CCDC102B: variants seen among roughly 807,000 people sequenced by gnomAD.
CCDC102B encodes coiled-coil domain-containing protein 102B.
In CCDC102B, 75 loss-of-function variants were observed where a neutral mutation model predicts 57.4. That is an observed-to-expected ratio of 1.31 (90% CI 1.08 to 1.58). The LOEUF (loss-of-function observed/expected upper bound fraction) is 1.58, where lower values mean the gene tolerates loss of function less well. Ranked by LOEUF, CCDC102B falls within the 40% of genes most tolerant of loss-of-function variation. The pLI, the probability that CCDC102B is intolerant of heterozygous loss-of-function variation, is 0.00. For synonymous variants in CCDC102B, 206 were observed against 201.9 expected, an observed-to-expected ratio of 1.02 and a Z score of -0.17; for missense variants, 636 against 582.6, an observed-to-expected ratio of 1.09 and a Z score of -0.94.
At chr18:68,932,217 C>T (rs1332779229) in intron 6 of CCDC102B, among the ~76,000 whole-genome samples, 1 of 151,614 alleles carries the variant, frequency 6.6e-6, no homozygotes, top group Admixed American at 6.6e-5. Context: ...TGAATTTAGT[C>T]CAGGCTTTTG....
At chr18:68,987,777 A>C (rs1009640106) in intron 6 of CCDC102B, among the ~76,000 whole-genome samples, 1 of 141,968 alleles carries the variant, frequency 7.0e-6, no homozygotes, top group African/African-American at 3.1e-5. Context: ...ACAAATGGCC[A>C]AAAAAAACCA....
At chr18:69,038,367 A>G (rs1224075263) in intron 7 of CCDC102B, among the ~76,000 whole-genome samples, 1 of 151,846 alleles carries the variant, frequency 6.6e-6, no homozygotes, top group Admixed American at 6.6e-5. Flanking sequence ...TGTGTTTCTG[A>G]TATTATTTGT....
intron 5 of CCDC102B, among the ~76,000 whole-genome samples, chr18:68,896,710 AAAATT>A (rs2040254520): frequency 6.6e-6 from 1 of 151,936 alleles, no homozygotes; most frequent in Non-Finnish European, 1.5e-5. Flanking sequence ...TTTTCAATAT[AAAATT>A]AAATTACTTT....
At chr18:69,023,446 G>A (rs1031986997) in intron 7 of CCDC102B, among the ~76,000 whole-genome samples, 1 of 151,966 alleles carries the variant, frequency 6.6e-6, no homozygotes, top group Non-Finnish European at 1.5e-5. Context: ...CTTATATTAT[G>A]TAGTGGTATT....
At chr18:68,935,065 T>A (rs1347734255) in intron 6 of CCDC102B, among the ~76,000 whole-genome samples, 1 of 151,838 alleles carries the variant, frequency 6.6e-6, no homozygotes, top group African/African-American at 2.4e-5. Flanking sequence ...TGCCACTAAA[T>A]AGGATAATCA....
intron 6 of CCDC102B, among the ~76,000 whole-genome samples, chr18:68,980,000 G>A (rs750588356): frequency 2.6e-5 from 4 of 151,958 alleles, no homozygotes; most frequent in East Asian, 1.9e-4. Context: ...TGGAGTAGGC[G>A]CATGAACCTG....
Position 68,740,846 on chromosome 18 carries a change from T to C in CCDC102B, c.-67+24252T>C, listed in dbSNP as rs1250821174. ...TGTACTTATGAAATATTTAAGTATATATAAATTACTAAAGTAACACTGAAT... is the reference window on the plus strand; with the variant it reads ...TGTACTTATGAAATATTTAAGTATACATAAATTACTAAAGTAACACTGAAT... On this transcript the variant is annotated intron_variant, in intron 2 of 3. Coordinates refer to the CCDC102B transcript ENST00000578970. Among the ~76,000 whole-genome samples the C allele has an allele frequency of 2.6e-5, 4 of 152,274 alleles. No homozygotes were observed. The East Asian group carries it at 7.7e-4, about 29-fold the overall frequency.
At chr18:68,884,515 T>C (rs1019765634) in intron 5 of CCDC102B, among the ~76,000 whole-genome samples, 2 of 151,620 alleles carry the variant, frequency 1.3e-5, no homozygotes, top group South Asian at 2.1e-4. Context: ...AGGGACATTG[T>C]TGGGGATGAC....
At chr18:68,889,155 A>T (rs2039988204) in intron 5 of CCDC102B, among the ~76,000 whole-genome samples, 1 of 152,136 alleles carries the variant, frequency 6.6e-6, no homozygotes, top group African/African-American at 2.4e-5. Context: ...CAAAATTCAC[A>T]TATTGAAAAC....
At chr18:68,886,786 C>G (rs1349448682) in intron 5 of CCDC102B, among the ~76,000 whole-genome samples, 2 of 151,780 alleles carry the variant, frequency 1.3e-5, no homozygotes, top group Admixed American at 1.3e-4. Context: ...TTGACATTCA[C>G]TCATTTCAAT....
chr18:69,052,452 A>G (rs565051153), intron 7 of CCDC102B, among the ~76,000 whole-genome samples: 25 of 152,010 alleles, frequency 1.6e-4, no homozygotes, highest in African/African-American at 5.8e-4. Flanking sequence ...CTCAAGAGAA[A>G]ATTTTTCACA....
chr18:69,037,166 C>T (rs776971137), intron 7 of CCDC102B, among the ~76,000 whole-genome samples: 3 of 151,864 alleles, frequency 2.0e-5, no homozygotes, highest in Non-Finnish European at 4.4e-5. Context: ...TGCCATCATT[C>T]CTAATTACCA....
At chr18:68,875,087 T>C (rs1249782595) in intron 5 of CCDC102B, 4 of 178,228 alleles carry the variant, frequency 2.2e-5, no homozygotes, top group Non-Finnish European at 4.7e-5. Flanking sequence ...TGCTGGATCA[T>C]GTGTGTTCAT....
chr18:68,715,296 G>C (rs2031873871), exon 1 of CCDC102B: 1 of 1,229,314 alleles, frequency 8.1e-7, no homozygotes. Context: ...TAGGGAAAAC[G>C]GTGCTGGTTC....
At chr18:68,787,374 T>C (rs1229650841) in intron 2 of CCDC102B, among the ~76,000 whole-genome samples, 1 of 151,694 alleles carries the variant, frequency 6.6e-6, no homozygotes, top group Admixed American at 6.6e-5. Context: ...CCTCTTTTTC[T>C]ATTGATTGGA....
rs534436707 is a variant in CCDC102B at position 68,803,086 on chromosome 18, C to A, written c.-16+4905C>A. Among the ~76,000 whole-genome samples the A allele has an allele frequency of 2.0e-4, 30 of 152,254 alleles. No individual in the cohort carries two copies. The East Asian group carries it at 5.8e-3, about 29-fold the overall frequency. ...GGGTTAACCTCACTTAAAACTGTTTCTTTATTAATTTTAAAAGCCTATAAG... is the reference window on the plus strand; with the variant it reads ...GGGTTAACCTCACTTAAAACTGTTTATTTATTAATTTTAAAAGCCTATAAG... On this transcript the variant is annotated intron_variant, in intron 1 of 7. Transcript: ENST00000360242.
chr18:68,884,558 G>A (rs2039809411), intron 5 of CCDC102B, among the ~76,000 whole-genome samples: 1 of 149,142 alleles, frequency 6.7e-6, no homozygotes, highest in African/African-American at 2.5e-5. Flanking sequence ...AGGCTACAAG[G>A]CAACAGAAAT....
intron 2 of CCDC102B, among the ~76,000 whole-genome samples, chr18:68,790,684 C>T (rs1337322614): frequency 4.6e-5 from 7 of 152,202 alleles, no homozygotes; most frequent in Non-Finnish European, 8.8e-5. Flanking sequence ...CGCCCTGCTT[C>T]GGCTCGTGCA....
intron 5 of CCDC102B, among the ~76,000 whole-genome samples, chr18:68,877,047 A>G (rs898048066): frequency 1.3e-5 from 2 of 152,234 alleles, no homozygotes; most frequent in African/African-American, 2.4e-5. Flanking sequence ...AATTTAAACT[A>G]TATAGTTTGA....
Sources: gnomAD v4.1 joint callset for allele counts (sites outside exome capture counted in the v4.1 genomes callset) on GRCh38, gnomAD v4.1.1 for gene constraint, MANE v1.5 for transcripts, NCBI Gene and HGNC (gene_info 2026-07-23, HGNC 2026-07-21) for gene names.